The following KIAA0408 variants were observed in gnomAD, a reference collection of about 807,000 sequenced individuals.
KIAA0408 encodes uncharacterized protein KIAA0408.
KIAA0408 carries 51 observed loss-of-function variants against 60.9 expected under a neutral mutation model. That is an observed-to-expected ratio of 0.84 (90% CI 0.67 to 1.06). The LOEUF (loss-of-function observed/expected upper bound fraction) is 1.06, where lower values mean the gene tolerates loss of function less well. Ranked by LOEUF, KIAA0408 falls within the 50% of genes least tolerant of loss-of-function variation. The probability of loss-of-function intolerance (pLI) is 0.00; values close to 1 mark genes in which losing one functional copy is unlikely to be tolerated. For missense variants in KIAA0408, 787 were observed against 833.9 expected, an observed-to-expected ratio of 0.94 and a Z score of 0.69; for synonymous variants, 304 against 282.4, an observed-to-expected ratio of 1.08 and a Z score of -0.77.
chr6:127,446,566 G>C lies in KIAA0408; in HGVS notation c.1753C>G (p.Gln585Glu). The part of the protein sequence containing the change: ...ESALQNSKCF[Q>E]DNWTKCNSDV... The stretch of plus-strand genomic sequence containing the variant: ...GAATTACATTTGGTCCAATTATCCT[G>C]GAAGCACTTAGAATTTTGCAATGCA... The change falls in exon 5 of 6, where the codon CAG (glutamine) becomes GAG (glutamate). Residue 585 changes from glutamine to glutamate, a missense_variant. Transcript: ENST00000483725. The C allele has an allele frequency of 1.9e-6, 3 of 1,614,140 alleles. No homozygotes were observed. The highest frequency in any genetic ancestry group is 2.5e-6 in the Non-Finnish European group (3 of 1,180,030).
At position 127,441,469 on chromosome 6, in the gene KIAA0408, CT is replaced by C. The variant is rs927796189; in HGVS notation, c.*2639del. 4 of 152,422 alleles carry C rather than the reference CT, an allele frequency of 2.6e-5. No individual in the cohort carries two copies. Among genetic ancestry groups the C allele is most frequent in the Non-Finnish European group, 5.9e-5 (4 of 67,968 alleles). The allele number at this position is 152,422 out of a possible 1,614,324, so 9.4% of individuals were successfully genotyped here. On this transcript the variant is annotated 3_prime_UTR_variant, in exon 6 of 6. Coordinates refer to ENST00000483725, the MANE Select transcript of KIAA0408 (RefSeq NM_014702.5). Reference sequence around the variant, plus strand: ...ACTCCTCTCTGCCTCATCCTTATTCCTTTCTGAGATCAGCCCATAATATCAG... The same window carrying C: ...ACTCCTCTCTGCCTCATCCTTATTCCTTCTGAGATCAGCCCATAATATCAG...
At position 127,447,605 on chromosome 6, in the gene KIAA0408, C is replaced by G; in HGVS notation, c.714G>C (p.Leu238=). 1 of 1,613,222 alleles carries G rather than the reference C, an allele frequency of 6.2e-7. No individual in the cohort carries two copies. The highest frequency in any genetic ancestry group is 8.5e-7 in the Non-Finnish European group (1 of 1,179,730). ...EKEKQKNRKN[L]SCTNVLQSNS... ...TGCTCTGGAGCACATTGGTACAGCT[C>G]AGATTCTTCCTGTTTTTCTGTTTTT... The change falls in exon 5 of 6, where the codon CTG becomes CTC. Residue 238 remains leucine (L), a synonymous_variant. Coordinates refer to ENST00000483725, the MANE Select transcript of KIAA0408 (RefSeq NM_014702.5).
In KIAA0408 at chr6:127,459,270, C is replaced by T. The variant is rs1021347010; in HGVS notation, c.-216G>A. 2.0e-5 allele frequency: 3 copies of T among 152,254 alleles called. No homozygotes were observed. The highest frequency in any genetic ancestry group is 7.2e-5 in the African/African-American group (3 of 41,460). 9.4% of individuals were successfully genotyped at this position (152,254 alleles called of 1,614,324 possible). On this transcript the variant is annotated 5_prime_UTR_variant, in exon 1 of 6. Coordinates refer to ENST00000483725, the MANE Select transcript of KIAA0408 (RefSeq NM_014702.5). ...CTAGCTGTCTTAAAGAGAAAAGTCT[C>T]AGCTCGGTGAATCTCGATTCTTTAC...
In KIAA0408 at chr6:127,453,868, A is replaced by T. The variant is rs773788173; in HGVS notation, c.114T>A (p.Ile38=). ...GTACCTCTTCTATTTTCTTCTGCAT[A>T]ATCTTCCATTGACTTTCCCATTCCT... is the stretch of plus-strand genomic sequence containing the variant. ...ERKEWESQWK[I]MQKKIEELCR... is the part of the protein sequence containing the mutation. Residue 38 remains isoleucine, a synonymous_variant, in exon 2 of 6, where the codon ATT becomes ATA. Transcript: ENST00000483725. 6.2e-7 allele frequency: 1 copy of T among 1,612,696 alleles called. No individual in the cohort carries two copies. Among genetic ancestry groups the T allele is most frequent in the Non-Finnish European group, 8.5e-7 (1 of 1,179,102 alleles).
chr6:127,449,969 G>C, intron 3 of KIAA0408, 21 bp downstream of exon 3: 1 of 1,613,710 alleles, frequency 6.2e-7, no homozygotes, highest in Non-Finnish European at 8.5e-7. Flanking sequence ...AACAGTTCTA[G>C]GCCAATCACA....
In KIAA0408 at chr6:127,446,809, G is replaced by C. The variant is rs139745911; in HGVS notation, c.1510C>G (p.Pro504Ala). The C allele has an allele frequency of 4.3e-6, 7 of 1,613,868 alleles. No homozygotes were observed. Among genetic ancestry groups the C allele is most frequent in the Non-Finnish European group, 5.9e-6 (7 of 1,179,988 alleles). The change falls in exon 5 of 6, where the codon CCC (proline) becomes GCC (alanine). Residue 504 changes from proline to alanine, a missense_variant. This residue lies in a region of KIAA0408 where 640 missense variants were observed against 681.3 expected (regional missense o/e 0.94). Transcript: ENST00000483725. ...GGATTATCAGGCACATTTTCCATGG[G>C]CACAGGCATGTGGGCATTGGTTTTC... ...IWKTNAHMPVPMENVPDNPTK... is the reference protein window; with the variant it reads ...IWKTNAHMPVAMENVPDNPTK...
chr6:127,455,681 A>G (rs1773380057), intron 1 of KIAA0408, among the ~76,000 whole-genome samples: 2 of 152,172 alleles, frequency 1.3e-5, no homozygotes, highest in African/African-American at 4.8e-5. Context: ...TGGCACTAGC[A>G]CTATTATGAT....
chr6:127,446,759 T>G lies in KIAA0408; in HGVS notation c.1560A>C (p.Leu520=). 6.2e-7 allele frequency: 1 copy of G among 1,613,936 alleles called. No individual in the cohort carries two copies. Among genetic ancestry groups the G allele is most frequent in the Admixed American group, 1.7e-5 (1 of 59,976 alleles). Residue 520 remains leucine (L), a synonymous_variant, in exon 5 of 6, where the codon CTA becomes CTC. Coordinates refer to ENST00000483725, the MANE Select transcript of KIAA0408 (RefSeq NM_014702.5). The part of the protein sequence containing the change: ...DNPTKKSTTG[L]VRQMQGHLSP... ...TTAGGTGTCCCTGCATTTGTCTTAC[T>G]AGGCCTGTTGTGGATTTCTTGGTGG...
Position 127,444,155 on chromosome 6 carries a change from G to C in KIAA0408, c.2039C>G (p.Thr680Ser). Residue 680 changes from threonine (T) to serine (S), a missense_variant, in exon 6 of 6, where the codon ACC (threonine) becomes AGC (serine). Coordinates refer to ENST00000483725, the MANE Select transcript of KIAA0408 (RefSeq NM_014702.5). ...PSAPPALRRT[T>S]HNYTISLRSE... is the part of the protein sequence containing the mutation. ...TCGCAGAGAAATGGTATAGTTGTGG[G>C]TAGTTCTCCGCAAGGCAGGGGGTGC... is the stretch of plus-strand genomic sequence containing the variant. 6.8e-6 allele frequency: 11 copies of C among 1,614,044 alleles called. No individual in the cohort carries two copies. Among genetic ancestry groups the C allele is most frequent in the Non-Finnish European group, 7.6e-6 (9 of 1,179,974 alleles).
At position 127,453,906 on chromosome 6, in the gene KIAA0408, CA is replaced by C; in HGVS notation, c.75del (p.Phe25LeufsTer19). The C allele has an allele frequency of 6.2e-7, 1 of 1,612,928 alleles. No homozygotes were observed. The highest frequency in any genetic ancestry group is 8.5e-7 in the Non-Finnish European group (1 of 1,179,204). On this transcript the variant is annotated frameshift_variant, in exon 2 of 6. Transcript: ENST00000483725. LOFTEE classifies it high-confidence loss of function. Reference protein sequence around the residue: ...HKEKMELLDQFDNERKEWESQ... With the variant: ...HKEKMELLDQXDNERKEWESQ... ...CTTTCCCATTCCTTTCTTTCATTGT[CA>C]AACTGGTCCAGTAATTCCATCTTTT... is the stretch of plus-strand genomic sequence containing the variant.
intron 2 of KIAA0408, among the ~76,000 whole-genome samples, chr6:127,452,885 C>T (rs1176081950): frequency 6.6e-6 from 1 of 151,972 alleles, no homozygotes; most frequent in African/African-American, 2.4e-5. Context: ...AATCATACAC[C>T]ACATGCCTGC....
rs765104398 is a variant in KIAA0408, at chr6:127,444,131, C to G, written c.2063G>C (p.Arg688Pro). Reference sequence around the variant, plus strand: ...GACTTAAACCATCAATGCTTCGGATCGCAGAGAAATGGTATAGTTGTGGGT... The same window carrying G: ...GACTTAAACCATCAATGCTTCGGATGGCAGAGAAATGGTATAGTTGTGGGT... ...RTTHNYTISL[R>P]SEALMV The change falls in exon 6 of 6, where the codon CGA becomes CCA. Residue 688 changes from arginine to proline, a missense_variant. Physicochemically the swap from Arg to Pro is moderately radical, Grantham distance 103. This residue lies in a region of KIAA0408 where 133 missense variants were observed against 119.2 expected (regional missense o/e 1.12). Transcript: ENST00000483725. 2 of 1,613,850 alleles carry G rather than the reference C, an allele frequency of 1.2e-6. No individual in the cohort carries two copies. The highest frequency in any genetic ancestry group is 1.7e-6 in the Non-Finnish European group (2 of 1,179,924).
At chr6:127,445,414 G>A (rs537484757) in intron 5 of KIAA0408, among the ~76,000 whole-genome samples, 1 of 152,242 alleles carries the variant, frequency 6.6e-6, no homozygotes, top group Non-Finnish European at 1.5e-5. Context: ...ACAAAAGCAG[G>A]ATACTTTCTG....
In KIAA0408 at chr6:127,443,925, C is replaced by A. The variant is rs1773143905; in HGVS notation, c.*184G>T. The A allele has an allele frequency of 1.7e-6, 1 of 574,730 alleles. No homozygotes were observed. 35.6% of individuals were successfully genotyped at this position (574,730 alleles called of 1,614,324 possible). A position where few individuals can be genotyped will look rare whatever the true frequency, so the allele number is the denominator to read the frequency against. On this transcript the variant is annotated 3_prime_UTR_variant, in exon 6 of 6. Transcript: ENST00000483725. ...CTAATGAGGATGGCATTAAAAAATT[C>A]TGATCTAAGAAATCAAAATGCAGGA...
chr6:127,457,924 A>G (rs1773424664), intron 1 of KIAA0408, among the ~76,000 whole-genome samples: 1 of 152,194 alleles, frequency 6.6e-6, no homozygotes, highest in Admixed American at 6.5e-5. Context: ...CAGCTGCTCC[A>G]TTGCTACTTC....
intron 5 of KIAA0408, 119 bp downstream of exon 5, chr6:127,446,289 G>C: frequency 3.4e-6 from 5 of 1,485,080 alleles, no homozygotes; most frequent in Non-Finnish European, 4.5e-6. Context: ...GGGTCAAGAG[G>C]CTAAGAAGAG....
intron 1 of KIAA0408, among the ~76,000 whole-genome samples, chr6:127,457,296 T>C (rs1009077983): frequency 6.6e-6 from 1 of 152,130 alleles, no homozygotes; most frequent in Non-Finnish European, 1.5e-5. Flanking sequence ...TGGGGTAAAG[T>C]GGTTCAGCAG....
Position 127,447,445 on chromosome 6 carries a change from T to G in KIAA0408, c.874A>C (p.Arg292=), listed in dbSNP as rs760314137. 53 of 1,613,874 alleles carry G rather than the reference T, an allele frequency of 3.3e-5. No homozygotes were observed. Among genetic ancestry groups the G allele is most frequent in the Non-Finnish European group, 4.5e-5 (53 of 1,179,952 alleles). ...GGCACCCAGCTGTTGTGGTCTAACCTTTCCTTCCATCTTTCATAGGCTTGT... is the reference window on the plus strand; with the variant it reads ...GGCACCCAGCTGTTGTGGTCTAACCGTTCCTTCCATCTTTCATAGGCTTGT... ...SEQAYERWKE[R]LDHNSWVPHE... is the part of the protein sequence containing the mutation. The change falls in exon 5 of 6, where the codon AGG becomes CGG. Residue 292 remains arginine (R), a synonymous_variant. Coordinates refer to ENST00000483725, the MANE Select transcript of KIAA0408 (RefSeq NM_014702.5).
intron 4 of KIAA0408, among the ~76,000 whole-genome samples, chr6:127,449,158 G>A (rs978460362): frequency 2.0e-5 from 3 of 152,166 alleles, no homozygotes; most frequent in Non-Finnish European, 4.4e-5. Context: ...TTAATGATAC[G>A]TTTAACTGAA....
Sources: allele counts gnomAD v4.1 joint callset (sites outside exome capture counted in the v4.1 genomes callset), GRCh38; gene constraint gnomAD v4.1.1; regional missense constraint gnomAD v4.1.1; transcripts MANE v1.5; gene names NCBI Gene and HGNC (gene_info 2026-07-23, HGNC 2026-07-21).